The following INPP5D variants were observed in gnomAD, a reference collection of about 807,000 sequenced individuals.
INPP5D encodes phosphatidylinositol 3,4,5-trisphosphate 5-phosphatase 1.
Under a neutral mutation model 122.9 loss-of-function variants are expected in INPP5D, and 33 were observed. The ratio of observed to expected loss-of-function variants is 0.27; its 90% CI spans 0.20 to 0.36. The LOEUF (loss-of-function observed/expected upper bound fraction) is 0.36. Ranked by LOEUF, INPP5D falls within the 10% of genes least tolerant of loss-of-function variation. The probability of loss-of-function intolerance (pLI) is 1.00; values close to 1 mark genes in which losing one functional copy is unlikely to be tolerated. For missense variants in INPP5D, 1,053 were observed against 1,412.7 expected (o/e 0.75, Z 4.08); for synonymous variants, 584 against 576.2 (o/e 1.01, Z -0.19).
intron 4 of INPP5D, among the ~76,000 whole-genome samples, chr2:233,129,543 A>G (rs1352328446): frequency 6.6e-6 from 1 of 152,178 alleles, no homozygotes; most frequent in African/African-American, 2.4e-5. Context: ...GTTGATCTGC[A>G]CAGTGAACAA....
At chr2:233,153,952 C>T (rs564848602) in intron 9 of INPP5D, among the ~76,000 whole-genome samples, 3 of 152,266 alleles carry the variant, frequency 2.0e-5, no homozygotes, top group Non-Finnish European at 2.9e-5. Context: ...TTGATCAGCC[C>T]AGGGGCAAAG....
intron 2 of INPP5D, among the ~76,000 whole-genome samples, chr2:233,084,338 AG>A (rs551869355): frequency 1.3e-5 from 2 of 152,358 alleles, no homozygotes; most frequent in East Asian, 3.9e-4. Flanking sequence ...TACAGGCGTG[AG>A]CCACCATGCC....
Position 233,158,203 on chromosome 2 carries a change from G to T in INPP5D, c.1031-110G>T, listed in dbSNP as rs574612356. 204 of 601,458 alleles carry T rather than the reference G, an allele frequency of 3.4e-4. 1 individual carries two copies. In the African/African-American group the frequency reaches 3.5e-3, roughly 10 times the overall value. 37.3% of individuals were successfully genotyped at this position (601,458 alleles called of 1,614,324 possible). A position where few individuals can be genotyped will look rare whatever the true frequency, so the allele number is the denominator to read the frequency against. On this transcript the variant is annotated intron_variant, in intron 9 of 26. Coordinates refer to ENST00000445964, the MANE Select transcript of INPP5D (RefSeq NM_001017915.3). ...CTGGGAGACCAGACACAAACTCGGGGCTCAGCTTGGGGACGGGAGTTGATA... is the reference window on the plus strand; with the variant it reads ...CTGGGAGACCAGACACAAACTCGGGTCTCAGCTTGGGGACGGGAGTTGATA...
At chr2:233,201,238 A>C (rs1408749814) in intron 25 of INPP5D, among the ~76,000 whole-genome samples, 2 of 152,178 alleles carry the variant, frequency 1.3e-5, no homozygotes, top group Non-Finnish European at 2.9e-5. Context: ...CTGTGTGGCC[A>C]CCTCTTTGGA....
intron 13 of INPP5D, among the ~76,000 whole-genome samples, chr2:233,167,147 G>A (rs755106550): frequency 2.0e-5 from 3 of 149,574 alleles, no homozygotes; most frequent in Non-Finnish European, 4.4e-5. Flanking sequence ...AAGGTGGGAG[G>A]ACCTCCTGAG....
rs1691705451 is a variant in INPP5D at position 233,082,027 on chromosome 2, A to G, written c.198+2629A>G. Among the ~76,000 whole-genome samples, 1 of 152,130 alleles carries G rather than the reference A, an allele frequency of 6.6e-6. No individual in the cohort carries two copies. The highest frequency in any genetic ancestry group is 2.4e-5 in the African/African-American group (1 of 41,428). ...GCCTCCTTAAGGTCTCCGCTTAGCC[A>G]GGACAGTGGGCGGGCAGCTTTCAGA... On this transcript the variant is annotated intron_variant, in intron 2 of 26. Coordinates refer to ENST00000445964, the MANE Select transcript of INPP5D (RefSeq NM_001017915.3). This position sits in a 1 kb window ranked among gnomAD's most constrained non-coding sequence, Gnocchi z 4.7.
chr2:233,093,547 C>T (rs1692043464), intron 2 of INPP5D, among the ~76,000 whole-genome samples: 1 of 23,730 alleles, frequency 4.2e-5, no homozygotes, highest in Non-Finnish European at 6.9e-5. Flanking sequence ...GGCATGGTGG[C>T]GAGTTGCCTA....
At chr2:233,097,549 T>C (rs111813525) in intron 2 of INPP5D, among the ~76,000 whole-genome samples, 1 of 152,234 alleles carries the variant, frequency 6.6e-6, no homozygotes, top group African/African-American at 2.4e-5. Flanking sequence ...GCTCTGTTAC[T>C]GAGTGTGATG....
At chr2:233,147,696 C>A in intron 9 of INPP5D, 102 bp downstream of exon 9, 2 of 663,946 alleles carry the variant, frequency 3.0e-6, no homozygotes, top group Non-Finnish European at 2.8e-6. Flanking sequence ...GGTCTGTCTT[C>A]CGCACGCATG....
At chr2:233,119,514 T>TTTG (rs1481147374) in intron 2 of INPP5D, among the ~76,000 whole-genome samples, 4 of 152,220 alleles carry the variant, frequency 2.6e-5, no homozygotes, top group Admixed American at 1.3e-4. Flanking sequence ...AAGAGATTGC[T>TTTG]TAACACGGGG....
intron 17 of INPP5D, 96 bp downstream of exon 17, chr2:233,171,248 GC>G: frequency 1.4e-6 from 2 of 1,469,416 alleles, no homozygotes; most frequent in Non-Finnish European, 1.8e-6. Context: ...CATCCATTAG[GC>G]AAAAAAAAAA....
chr2:233,066,444 G>T (rs1405885802), intron 1 of INPP5D, among the ~76,000 whole-genome samples: 2 of 152,190 alleles, frequency 1.3e-5, no homozygotes, highest in African/African-American at 4.8e-5. Context: ...TGGTCTGCTG[G>T]CTCTGCTGGG....
chr2:233,113,803 G>A (rs907570304), intron 2 of INPP5D, among the ~76,000 whole-genome samples: 16 of 151,938 alleles, frequency 1.1e-4, no homozygotes, highest in African/African-American at 3.9e-4. Context: ...TTGCTTGGAC[G>A]CCCAGCGTCC....
chr2:233,148,532 C>T (rs146523041), intron 9 of INPP5D, among the ~76,000 whole-genome samples: 73,722 of 151,854 alleles, frequency 0.49, 18,377 homozygotes, highest in South Asian at 0.66. Context: ...CACTGGGGCC[C>T]AGGTTAGGGA....
chr2:233,138,927 G>C (rs111793836), intron 5 of INPP5D, among the ~76,000 whole-genome samples: 1 of 133,110 alleles, frequency 7.5e-6, no homozygotes, highest in Non-Finnish European at 1.6e-5. Flanking sequence ...TTTTTTTTTT[G>C]TATTTTTAGT....
At chr2:233,146,469 C>A (rs1693764407) in intron 8 of INPP5D, 31 bp downstream of exon 8, 1 of 703,344 alleles carries the variant, frequency 1.4e-6, no homozygotes, top group Non-Finnish European at 2.6e-6. Context: ...AGAGCCTGGG[C>A]TTGGGCTCCA....
chr2:233,087,328 T>C (rs1162395065), intron 2 of INPP5D, among the ~76,000 whole-genome samples: 1 of 151,904 alleles, frequency 6.6e-6, no homozygotes, highest in African/African-American at 2.4e-5. Flanking sequence ...TTTATTTATT[T>C]ATTTATTTTT....
At position 233,188,047 on chromosome 2, in the gene INPP5D, A is replaced by AG. The variant is rs1221808952; in HGVS notation, c.2359-1798dup. Among the ~76,000 whole-genome samples, 2 of 151,306 alleles carry AG rather than the reference A, an allele frequency of 1.3e-5. No individual in the cohort carries two copies. The highest frequency in any genetic ancestry group is 1.3e-4 in the Admixed American group (2 of 15,226). ...TCCCTCAGTCCCCCTGCCCCCTCCC[A>AG]GGGGGTCCACTCCTCCTGTCTCCTG... On this transcript the variant is annotated intron_variant, in intron 21 of 26. Transcript: ENST00000445964. The surrounding 1 kb of genome is among the most constrained non-coding windows in gnomAD (Gnocchi z 4.7).
intron 20 of INPP5D, 89 bp downstream of exon 20, chr2:233,184,610 T>G: frequency 6.6e-7 from 1 of 1,522,196 alleles, no homozygotes; most frequent in South Asian, 1.3e-5. Context: ...CCCCATATCT[T>G]CTCTCCCTGG....
Sources: allele counts gnomAD v4.1 joint callset (sites outside exome capture counted in the v4.1 genomes callset), GRCh38; gene constraint gnomAD v4.1.1; non-coding constraint Gnocchi (gnomAD v3.1); transcripts MANE v1.5; gene names NCBI Gene and HGNC (gene_info 2026-07-23, HGNC 2026-07-21).